The following OR6N1 variants were observed in gnomAD, a reference collection of about 807,000 sequenced individuals.
OR6N1 encodes the protein olfactory receptor family 6 subfamily N member 1.
For synonymous variants in OR6N1, 170 were observed against 150.7 expected (o/e 1.13, Z -0.94); for missense variants, 394 against 371.7 (o/e 1.06, Z -0.49).
At chr1:158,807,635 C>G in the OR6N1 span, among the ~76,000 whole-genome samples, 218 of 152,308 alleles carry the variant, frequency 1.4e-3, no homozygotes, top group African/African-American at 5.0e-3. Flanking sequence ...GCTCATGGTG[C>G]GCTGATCTAC....
chr1:158,789,208 T>C, the OR6N1 span, among the ~76,000 whole-genome samples: 45 of 152,324 alleles, frequency 3.0e-4, no homozygotes, highest in African/African-American at 1.1e-3. Flanking sequence ...TAGTATCTCA[T>C]TGTGTGTATA....
At chr1:158,777,673 G>A in the OR6N1 span, 2 of 1,354,738 alleles carry the variant, frequency 1.5e-6, no homozygotes, top group Non-Finnish European at 2.1e-6. Flanking sequence ...GAAAACATTG[G>A]ATTGAGATGA....
At chr1:158,821,782 C>A in the OR6N1 span, among the ~76,000 whole-genome samples, 2 of 152,012 alleles carry the variant, frequency 1.3e-5, no homozygotes, top group African/African-American at 4.8e-5. Flanking sequence ...GTTTTCAACT[C>A]CTTTGGGTAA....
chr1:158,784,689 T>G, the OR6N1 span, among the ~76,000 whole-genome samples: 102 of 152,348 alleles, frequency 6.7e-4, no homozygotes, highest in African/African-American at 2.4e-3. Flanking sequence ...TTTCTATACC[T>G]GGCTTATTTC....
At position 158,766,662 on chromosome 1, in the gene OR6N1, G is replaced by T; in HGVS notation, c.21C>A (p.Ser7Arg). ...CCAAGATGATGAATTCTGCTACCTG[G>T]CTCCAGTTCCCTGTGTCCATTGCTC... MDTGNW[S>R]QVAEFIILGF... Residue 7 changes from serine to arginine, a missense_variant, in exon 2 of 2, where the codon AGC (serine) becomes AGA (arginine). Physicochemically the swap from Ser to Arg is moderately radical, Grantham distance 110 (BLOSUM62 -1). Coordinates refer to ENST00000641846, the MANE Select transcript of OR6N1 (RefSeq NM_001005185.2). 1 of 1,611,090 alleles carries T rather than the reference G, an allele frequency of 6.2e-7. No homozygotes were observed. The highest frequency in any genetic ancestry group is 8.5e-7 in the Non-Finnish European group (1 of 1,179,204).
the OR6N1 span, among the ~76,000 whole-genome samples, chr1:158,778,264 A>C: frequency 2.0e-5 from 3 of 152,346 alleles, no homozygotes; most frequent in Admixed American, 2.0e-4. Flanking sequence ...AGAGAAGCAG[A>C]CATCTCAATA....
chr1:158,797,715 T>C, the OR6N1 span, among the ~76,000 whole-genome samples: 1 of 152,210 alleles, frequency 6.6e-6, no homozygotes, highest in Non-Finnish European at 1.5e-5. Context: ...TTTGCATATA[T>C]GTTAATGAAT....
the OR6N1 span, among the ~76,000 whole-genome samples, chr1:158,784,524 C>G: frequency 6.6e-6 from 1 of 152,168 alleles, no homozygotes; most frequent in Non-Finnish European, 1.5e-5. Context: ...ACTTCTTCCT[C>G]CTGTCTAACT....
At chr1:158,803,543 T>C in the OR6N1 span, among the ~76,000 whole-genome samples, 1 of 152,358 alleles carries the variant, frequency 6.6e-6, no homozygotes, top group South Asian at 2.1e-4. Flanking sequence ...ATACTCATTT[T>C]TATTCCTCCC....
the OR6N1 span, among the ~76,000 whole-genome samples, chr1:158,812,165 T>C: frequency 6.6e-6 from 1 of 152,220 alleles, no homozygotes; most frequent in Admixed American, 6.5e-5. Flanking sequence ...CCCTGTGCTT[T>C]GTAGTGTATC....
chr1:158,809,035 G>C, the OR6N1 span: 1 of 152,814 alleles, frequency 6.5e-6, no homozygotes, highest in East Asian at 1.9e-4. Flanking sequence ...GAAAGACATA[G>C]CTGAATAAAG....
chr1:158,830,339 G>A, the OR6N1 span, among the ~76,000 whole-genome samples: 1 of 151,964 alleles, frequency 6.6e-6, no homozygotes, highest in African/African-American at 2.4e-5. Flanking sequence ...TGCTTTAGTG[G>A]GGTTTAGACA....
At chr1:158,832,292 G>A in the OR6N1 span, among the ~76,000 whole-genome samples, 13 of 151,916 alleles carry the variant, frequency 8.6e-5, 1 homozygote, top group Admixed American at 8.5e-4. Context: ...CTTGAGAAGA[G>A]TTTATAAACG....
intron 1 of OR6N1, among the ~76,000 whole-genome samples, chr1:158,771,709 C>A (rs976866262): frequency 6.6e-6 from 1 of 152,138 alleles, no homozygotes; most frequent in Non-Finnish European, 1.5e-5. Flanking sequence ...TCACACTCAA[C>A]GTCTTCATTT....
Position 158,766,367 on chromosome 1 carries a change from A to T in OR6N1, c.316T>A (p.Ser106Thr). Residue 106 changes from serine (S) to threonine (T), a missense_variant, in exon 2 of 2, where the codon TCC becomes ACC. Coordinates refer to ENST00000641846, the MANE Select transcript of OR6N1 (RefSeq NM_001005185.2). ...AGATAGCACTCAGTCGCTCCAAGGG[A>T]GTGAAAGAAATAGATCTGCAGGAGA... ...GCLLQIYFFH[S>T]LGATECYLLT... 5 of 1,614,152 alleles carry T rather than the reference A, an allele frequency of 3.1e-6. No individual in the cohort carries two copies. The highest frequency in any genetic ancestry group is 4.2e-6 in the Non-Finnish European group (5 of 1,180,030).
At chr1:158,778,778 G>T in the OR6N1 span, among the ~76,000 whole-genome samples, 1 of 151,972 alleles carries the variant, frequency 6.6e-6, no homozygotes, top group Admixed American at 6.6e-5. Context: ...ATTTTGGGAG[G>T]CTGAGGCGGG....
rs1371648043 is a variant in OR6N1 at position 158,766,418 on chromosome 1, T to C, written c.265A>G (p.Lys89Glu). The C allele has an allele frequency of 6.2e-7, 1 of 1,613,994 alleles. No individual in the cohort carries two copies. Among genetic ancestry groups the C allele is most frequent in the African/African-American group, 1.3e-5 (1 of 74,904 alleles). Residue 89 changes from lysine to glutamate, a missense_variant, in exon 2 of 2, where the codon AAA (lysine) becomes GAA (glutamate). Coordinates refer to ENST00000641846, the MANE Select transcript of OR6N1 (RefSeq NM_001005185.2). Reference protein sequence around the residue: ...PKMLANLLSEKKTISFSGCLL... With the variant: ...PKMLANLLSEEKTISFSGCLL... ...CACCCAGAGAATGAAATGGTCTTTTTCTCACTGAGCAAGTTTGCCAGCATC... is the reference window on the plus strand; with the variant it reads ...CACCCAGAGAATGAAATGGTCTTTTCCTCACTGAGCAAGTTTGCCAGCATC...
chr1:158,816,577 C>T, the OR6N1 span, among the ~76,000 whole-genome samples: 2 of 152,154 alleles, frequency 1.3e-5, no homozygotes, highest in African/African-American at 2.4e-5. Flanking sequence ...GCAGTTCCAG[C>T]TACTTGGGAG....
chr1:158,772,169 G>A lies in OR6N1; in HGVS notation c.-167C>T, dbSNP rs907252629. ...CCCAGCCATTCCCGGGGCCTGGAGGGGTTGAAGTTTATCACTTTGATGGAA... is the reference window on the plus strand; with the variant it reads ...CCCAGCCATTCCCGGGGCCTGGAGGAGTTGAAGTTTATCACTTTGATGGAA... On this transcript the variant is annotated 5_prime_UTR_variant, in exon 1 of 2. Coordinates refer to ENST00000641846, the MANE Select transcript of OR6N1 (RefSeq NM_001005185.2). 6.6e-6 allele frequency: 1 copy of A among 152,140 alleles called. No individual in the cohort carries two copies. Among genetic ancestry groups the A allele is most frequent in the African/African-American group, 2.4e-5 (1 of 41,418 alleles). The allele number at this position is 152,140 out of a possible 1,614,324, so 9.4% of individuals were successfully genotyped here.
Sources: gnomAD v4.1 joint callset for allele counts (sites outside exome capture counted in the v4.1 genomes callset) on GRCh38, gnomAD v4.1.1 for gene constraint, MANE v1.5 for transcripts, NCBI Gene and HGNC (gene_info 2026-07-23, HGNC 2026-07-21) for gene names.